Variants in PTPRM observed in about 807,000 individuals in gnomAD.
PTPRM encodes the protein protein tyrosine phosphatase receptor type M.
A neutral mutation model predicts 186.7 loss-of-function variants in PTPRM; 47 were observed. The observed-to-expected ratio is 0.25, with a 90% CI of 0.20 to 0.32. PTPRM has a LOEUF of 0.32. Among genes scored for constraint, PTPRM ranks in the 10% least tolerant of loss-of-function variants. The probability of loss-of-function intolerance (pLI) is 1.00; values close to 1 mark genes in which losing one functional copy is unlikely to be tolerated. For synonymous variants in PTPRM, 668 were observed against 674.9 expected, an observed-to-expected ratio of 0.99 and a Z score of 0.16; for missense variants, 1,494 against 1,865.0, an observed-to-expected ratio of 0.80 and a Z score of 3.66.
chr18:7,843,086 A>G (rs983587050), intron 2 of PTPRM, among the ~76,000 whole-genome samples: 8 of 151,802 alleles, frequency 5.3e-5, no homozygotes, highest in African/African-American at 1.9e-4. Flanking sequence ...TACAATCTCC[A>G]TTTTACAGAT....
chr18:7,579,839 G>A (rs942128427), intron 1 of PTPRM, among the ~76,000 whole-genome samples: 1 of 152,176 alleles, frequency 6.6e-6, no homozygotes, highest in Non-Finnish European at 1.5e-5. Context: ...TGTGAACGTT[G>A]TGGAATGATT....
At chr18:7,952,623 G>C (rs1226752533) in intron 6 of PTPRM, among the ~76,000 whole-genome samples, 1 of 151,382 alleles carries the variant, frequency 6.6e-6, no homozygotes, top group Non-Finnish European at 1.5e-5. Flanking sequence ...GTGAACCTGG[G>C]AGACAGAGCT....
At chr18:8,217,453 T>C (rs760240297) in intron 14 of PTPRM, among the ~76,000 whole-genome samples, 5 of 152,194 alleles carry the variant, frequency 3.3e-5, no homozygotes, top group Non-Finnish European at 7.3e-5. Flanking sequence ...AAATTCCTAG[T>C]ATACAAATTC....
At chr18:7,996,569 G>T (rs576358311) in intron 7 of PTPRM, among the ~76,000 whole-genome samples, 7 of 152,122 alleles carry the variant, frequency 4.6e-5, no homozygotes, top group Admixed American at 1.3e-4. Context: ...AAAAATAAAA[G>T]TCTCCAAATT....
chr18:8,380,420 C>T lies in PTPRM; in HGVS notation c.3911C>T (p.Pro1304Leu). ...TSVVMLNDVD[P>L]AQLCPQYWPE... ...GTAGTTATGCTAAATGATGTGGATC[C>T]TGCCCAGGTGAGACCCGGACTTCTT... is the stretch of plus-strand genomic sequence containing the variant. Residue 1304 changes from proline to leucine, a missense_variant, in exon 29 of 33, where the codon CCT becomes CTT. This residue lies in a region of PTPRM where 1,107 missense variants were observed against 1,350.2 expected (regional missense o/e 0.82). Transcript: ENST00000580170. 1 of 1,614,168 alleles carries T rather than the reference C, an allele frequency of 6.2e-7. No homozygotes were observed. Among genetic ancestry groups the T allele is most frequent in the Non-Finnish European group, 8.5e-7 (1 of 1,180,034 alleles).
Position 7,689,616 on chromosome 18 carries a change from G to A in PTPRM, c.74-84533G>A, listed in dbSNP as rs920778622. Among the ~76,000 whole-genome samples the A allele has an allele frequency of 2.0e-5, 3 of 152,172 alleles. No homozygotes were observed. In the East Asian group the frequency reaches 5.8e-4, roughly 29 times the overall value. ...AGTAACCAGAATGTTCATGTGTACT[G>A]TTCTTCCATGAGGTAATTAATTGAA... On this transcript the variant is annotated intron_variant, in intron 1 of 32. Transcript: ENST00000580170.
intron 13 of PTPRM, among the ~76,000 whole-genome samples, chr18:8,117,784 G>A (rs1241962088): frequency 3.3e-5 from 5 of 152,284 alleles, no homozygotes; most frequent in East Asian, 1.9e-4. Flanking sequence ...CAGGGTATAC[G>A]TGATGTTTAT....
At chr18:8,005,739 C>T (rs965203420) in intron 7 of PTPRM, among the ~76,000 whole-genome samples, 1 of 152,176 alleles carries the variant, frequency 6.6e-6, no homozygotes, top group African/African-American at 2.4e-5. Context: ...TTCCCCTCCT[C>T]TGATTACAGT....
intron 7 of PTPRM, among the ~76,000 whole-genome samples, chr18:7,990,642 T>C (rs2083218648): frequency 6.6e-6 from 1 of 152,216 alleles, no homozygotes; most frequent in Non-Finnish European, 1.5e-5. Flanking sequence ...TTCATGGAGA[T>C]GAAGCTCTTA....
intron 7 of PTPRM, among the ~76,000 whole-genome samples, chr18:7,959,868 G>A (rs75376016): frequency 0.022 from 3,283 of 152,280 alleles, 46 homozygotes; most frequent in African/African-American, 0.044. Flanking sequence ...TACATATCCA[G>A]TTGTTTTCCA....
At chr18:7,689,524 G>A (rs1203453044) in intron 1 of PTPRM, among the ~76,000 whole-genome samples, 4 of 152,166 alleles carry the variant, frequency 2.6e-5, no homozygotes, top group Non-Finnish European at 5.9e-5. Flanking sequence ...TGACATCTAC[G>A]CTAGGGTTAC....
At chr18:7,612,938 C>T (rs2037712180) in intron 1 of PTPRM, among the ~76,000 whole-genome samples, 1 of 152,156 alleles carries the variant, frequency 6.6e-6, no homozygotes, top group African/African-American at 2.4e-5. Context: ...GCTCCCAGCT[C>T]CTATTCTGCT....
intron 13 of PTPRM, among the ~76,000 whole-genome samples, chr18:8,143,128 A>T (rs2092802315): frequency 6.6e-6 from 1 of 152,132 alleles, no homozygotes; most frequent in Non-Finnish European, 1.5e-5. Context: ...CAGGGGGAAA[A>T]AACTCTATTG....
At chr18:8,046,354 A>G (rs534034683) in intron 7 of PTPRM, among the ~76,000 whole-genome samples, 1 of 152,332 alleles carries the variant, frequency 6.6e-6, no homozygotes, top group African/African-American at 2.4e-5. Context: ...CAGTAGGTAT[A>G]TGTATCTCTC....
chr18:7,678,522 G>T (rs2039402951), intron 1 of PTPRM, among the ~76,000 whole-genome samples: 6 of 152,154 alleles, frequency 3.9e-5, no homozygotes, highest in Admixed American at 3.3e-4. Context: ...CGGGAGGCCG[G>T]CCTTCAGAGG....
intron 14 of PTPRM, among the ~76,000 whole-genome samples, chr18:8,240,777 G>GGAGAGAGAGGGGGA (rs2094420282): frequency 1.7e-5 from 1 of 57,302 alleles, no homozygotes; most frequent in African/African-American, 7.7e-5. Flanking sequence ...AGAGAGAGAG[G>GGAGAGAGAGGGGGA]GAGAGAGAGA....
chr18:8,085,989 C>T, intron 10 of PTPRM, 117 bp downstream of exon 10: 2 of 933,892 alleles, frequency 2.1e-6, no homozygotes, highest in Non-Finnish European at 1.7e-6. Flanking sequence ...AAGGAATACT[C>T]CTGGATGCCT....
At chr18:8,246,937 T>A (rs528958002) in intron 15 of PTPRM, among the ~76,000 whole-genome samples, 2 of 152,318 alleles carry the variant, frequency 1.3e-5, no homozygotes, top group South Asian at 4.1e-4. Context: ...ATGGTATAAT[T>A]GTGTCTTAGT....
At chr18:7,592,289 A>G (rs1165822406) in intron 1 of PTPRM, among the ~76,000 whole-genome samples, 3 of 152,206 alleles carry the variant, frequency 2.0e-5, no homozygotes, top group South Asian at 4.1e-4. Flanking sequence ...TACAGGCGAC[A>G]TGGGAGCTAG....
Sources: allele counts gnomAD v4.1 joint callset (sites outside exome capture counted in the v4.1 genomes callset), GRCh38; gene constraint gnomAD v4.1.1; regional missense constraint gnomAD v4.1.1; transcripts MANE v1.5; gene names NCBI Gene and HGNC (gene_info 2026-07-23, HGNC 2026-07-21).